Variants in KIR3DL3 observed in about 807,000 individuals in gnomAD.
The protein encoded by KIR3DL3 is killer cell immunoglobulin-like receptor 3DL3.
KIR3DL3 carries 27 observed loss-of-function variants against 34.9 expected under a neutral mutation model. The ratio of observed to expected loss-of-function variants is 0.77; its 90% CI spans 0.57 to 1.07. KIR3DL3 has a LOEUF of 1.07. Ranked by LOEUF, KIR3DL3 falls within the 50% of genes least tolerant of loss-of-function variation. KIR3DL3 has a pLI of 0.00. For missense variants in KIR3DL3, 681 were observed against 528.5 expected (o/e 1.29, Z -2.83); for synonymous variants, 217 against 200.2 (o/e 1.08, Z -0.71).
At position 54,726,053 on chromosome 19, in the gene KIR3DL3, G is replaced by A. The variant is rs2068126206; in HGVS notation, c.71G>A (p.Gly24Asp). The part of the protein sequence containing the change: ...FLLEGPWPHV[G>D]GQDKPFLSAW... ...AAGGTGGTGCCTCCTTCTCCCCCAG[G>A]TGGTCAGGACAAGCCCTTCCTCTCT... Residue 24 changes from glycine (G) to aspartate (D), a missense_variant and splice_region_variant, in exon 3 of 8, where the codon GGT (glycine) becomes GAT (aspartate). Coordinates refer to ENST00000291860, the MANE Select transcript of KIR3DL3 (RefSeq NM_153443.5). 5 of 1,605,278 alleles carry A rather than the reference G, an allele frequency of 3.1e-6. No homozygotes were observed. In the East Asian group the frequency reaches 1.1e-4, roughly 36 times the overall value.
intron 5 of KIR3DL3, among the ~76,000 whole-genome samples, chr19:54,732,824 G>A (rs2068969516): frequency 6.6e-6 from 1 of 152,154 alleles, no homozygotes; most frequent in Admixed American, 6.5e-5. Context: ...AGAGCACACT[G>A]GGTACACAGG....
At chr19:54,734,319 C>G (rs1048310639) in intron 5 of KIR3DL3, among the ~76,000 whole-genome samples, 1 of 151,368 alleles carries the variant, frequency 6.6e-6, no homozygotes, top group African/African-American at 2.4e-5. Flanking sequence ...TCCAGGGAGA[C>G]AGAACACACA....
chr19:54,726,402 G>C (rs1232674189), intron 3 of KIR3DL3, 65 bp downstream of exon 3: 14 of 1,563,976 alleles, frequency 9.0e-6, no homozygotes, highest in Non-Finnish European at 1.2e-5. Flanking sequence ...TTCTGGTGGG[G>C]GCGTCCATCA....
chr19:54,729,141 G>T (rs1172312148), intron 4 of KIR3DL3, among the ~76,000 whole-genome samples: 1 of 147,710 alleles, frequency 6.8e-6, no homozygotes, highest in African/African-American at 2.5e-5. Context: ...ATGATAGATC[G>T]ATCAATAGAT....
rs2075730 is a variant in KIR3DL3 at position 54,726,033 on chromosome 19, G to C, written c.71-20G>C. ...GGCTCCACATCCTCCTCTCTAAGGT[G>C]GTGCCTCCTTCTCCCCCAGGTGGTC... On this transcript the variant is annotated intron_variant, in intron 2 of 7. Transcript: ENST00000291860. 1 of 1,520,754 alleles carries C rather than the reference G, an allele frequency of 6.6e-7. No individual in the cohort carries two copies. 94.2% of individuals were successfully genotyped at this position (1,520,754 alleles called of 1,614,324 possible). A position where few individuals can be genotyped will look rare whatever the true frequency, so the allele number is the denominator to read the frequency against.
rs1212327173 is a variant in KIR3DL3, at chr19:54,724,487, C to T, written c.-10C>T. ...CTGGGGCGCAGCCGCCTGTCTGCACCGGCAGCACCATGTCGCTCATGGTCG... is the reference window on the plus strand; with the variant it reads ...CTGGGGCGCAGCCGCCTGTCTGCACTGGCAGCACCATGTCGCTCATGGTCG... On this transcript the variant is annotated 5_prime_UTR_variant, in exon 1 of 8. Coordinates refer to ENST00000291860, the MANE Select transcript of KIR3DL3 (RefSeq NM_153443.5). The T allele has an allele frequency of 3.5e-5, 56 of 1,613,086 alleles. No individual in the cohort carries two copies. Among genetic ancestry groups the T allele is most frequent in the South Asian group, 5.5e-5 (5 of 91,066 alleles).
At chr19:54,735,939 C>A (rs773177439) in intron 7 of KIR3DL3, 32 bp from the exon 8 acceptor site, 16 of 1,609,448 alleles carry the variant, frequency 9.9e-6, no homozygotes, top group Admixed American at 5.1e-5. Flanking sequence ...AATGTGAGCA[C>A]CCTCCCTCAC....
At chr19:54,733,549 T>TTATAG (rs199755001) in intron 5 of KIR3DL3, among the ~76,000 whole-genome samples, 1 of 151,834 alleles carries the variant, frequency 6.6e-6, no homozygotes, top group African/African-American at 2.4e-5. Flanking sequence ...ACATACATAA[T>TTATAG]TATGACACAC....
chr19:54,727,710 G>A lies in KIR3DL3; in HGVS notation c.455G>A (p.Arg152His), dbSNP rs199609975. 0.04 allele frequency: 63,873 copies of A among 1,612,402 alleles called. 1,455 individuals carry two copies. The highest frequency in any genetic ancestry group is 0.045 in the Non-Finnish European group (52,799 of 1,179,430). ...TGTTGGTCAGATGTCAGGTTTGAGC[G>A]CTTCCTTCTGCACAGAGAGGGGATC... ...LQCWSDVRFE[R>H]FLLHREGITE... Residue 152 changes from arginine to histidine, a missense_variant, in exon 4 of 8, where the codon CGC becomes CAC. Coordinates refer to ENST00000291860, the MANE Select transcript of KIR3DL3 (RefSeq NM_153443.5).
At chr19:54,726,643 C>CA (rs924248124) in intron 3 of KIR3DL3, among the ~76,000 whole-genome samples, 2 of 147,088 alleles carry the variant, frequency 1.4e-5, no homozygotes, top group African/African-American at 5.0e-5. Flanking sequence ...CTGCTGTGCT[C>CA]AGAGTAATCA....
Position 54,727,875 on chromosome 19 carries a change from C to A in KIR3DL3, c.620C>A (p.Ser207Ter), listed in dbSNP as rs759218934. ...GTCACTCACTTACCCTATGAGTTGTCGGCTCCCAGTGACCCTCTGGACATC... is the reference window on the plus strand; with the variant it reads ...GTCACTCACTTACCCTATGAGTTGTAGGCTCCCAGTGACCCTCTGGACATC... ...GSVTHLPYELSAPSDPLDIVV... is the reference protein window; with the variant it reads ...GSVTHLPYEL Residue 207 changes from serine (S) to a stop codon, truncating the protein, a stop_gained, in exon 4 of 8, where the codon TCG becomes TAG. Coordinates refer to ENST00000291860, the MANE Select transcript of KIR3DL3 (RefSeq NM_153443.5). LOFTEE classifies it high-confidence loss of function. 1 of 1,613,302 alleles carries A rather than the reference C, an allele frequency of 6.2e-7. No homozygotes were observed. The highest frequency in any genetic ancestry group is 2.2e-5 in the East Asian group (1 of 44,846).
At chr19:54,725,220 A>C in intron 1 of KIR3DL3, 27 bp from the exon 2 acceptor site, 1 of 1,573,526 alleles carries the variant, frequency 6.4e-7, no homozygotes, top group Non-Finnish European at 8.6e-7. Context: ...GTACAGATGG[A>C]TCATCCATCA....
intron 3 of KIR3DL3, among the ~76,000 whole-genome samples, chr19:54,726,880 G>T (rs2068241022): frequency 1.6e-5 from 2 of 127,528 alleles, no homozygotes; most frequent in Admixed American, 8.8e-5. Context: ...AGAGAACTGG[G>T]TCCGATTTCT....
At chr19:54,725,754 T>A (rs1179319812) in intron 2 of KIR3DL3, among the ~76,000 whole-genome samples, 3 of 152,230 alleles carry the variant, frequency 2.0e-5, no homozygotes, top group Admixed American at 1.3e-4. Context: ...TTTATTATGG[T>A]TCATGCATTA....
chr19:54,732,061 G>A (rs1443094551), intron 5 of KIR3DL3, among the ~76,000 whole-genome samples: 1 of 152,152 alleles, frequency 6.6e-6, no homozygotes, highest in Non-Finnish European at 1.5e-5. Flanking sequence ...TTTTGGGGGT[G>A]GGGCAGCATT....
chr19:54,735,223 G>C, intron 5 of KIR3DL3, 30 bp from the exon 6 acceptor site: 1 of 1,417,830 alleles, frequency 7.1e-7, no homozygotes, highest in Non-Finnish European at 9.9e-7. Flanking sequence ...GCTATGATTA[G>C]CTTCTTATTG....
In KIR3DL3 at chr19:54,726,248, A is replaced by G; in HGVS notation, c.266A>G (p.His89Arg). 6.2e-7 allele frequency: 1 copy of G among 1,613,920 alleles called. No individual in the cohort carries two copies. Among genetic ancestry groups the G allele is most frequent in the Admixed American group, 1.7e-5 (1 of 59,994 alleles). ...SFLMGPVTPA[H>R]AGTYRCCSSH... ...CTCATGGGCCCTGTGACCCCAGCAC[A>G]TGCAGGGACCTACAGATGTTGCAGT... The change falls in exon 3 of 8, where the codon CAT (histidine) becomes CGT (arginine). Residue 89 changes from histidine (H) to arginine (R), a missense_variant. His to Arg is a conservative substitution (Grantham distance 29). Coordinates refer to ENST00000291860, the MANE Select transcript of KIR3DL3 (RefSeq NM_153443.5).
At position 54,725,241 on chromosome 19, in the gene KIR3DL3, T is replaced by C. The variant is rs2068042588; in HGVS notation, c.35-6T>C. On this transcript the variant is annotated splice_polypyrimidine_tract_variant and splice_region_variant and intron_variant, in intron 1 of 7. Transcript: ENST00000291860. Reference sequence around the variant, plus strand: ...ATGGATCATCCATCATGATCTTTCTTTCCAGGGTTCTTCTTGCTGGAGGGG... The same window carrying C: ...ATGGATCATCCATCATGATCTTTCTCTCCAGGGTTCTTCTTGCTGGAGGGG... 6 of 1,593,546 alleles carry C rather than the reference T, an allele frequency of 3.8e-6. No homozygotes were observed. The highest frequency in any genetic ancestry group is 5.1e-6 in the Non-Finnish European group (6 of 1,169,138).
At position 54,736,266 on chromosome 19, in the gene KIR3DL3, G is replaced by C. The variant is rs2069600349; in HGVS notation, c.*170G>C. On this transcript the variant is annotated 3_prime_UTR_variant, in exon 8 of 8. Transcript: ENST00000291860. ...TCTGAAGGCGTGAGTCTGCATCTTAGGGCATCGCTCTTCCTCACACCACGA... is the reference window on the plus strand; with the variant it reads ...TCTGAAGGCGTGAGTCTGCATCTTACGGCATCGCTCTTCCTCACACCACGA... 1 of 870,574 alleles carries C rather than the reference G, an allele frequency of 1.1e-6. No individual in the cohort carries two copies. 53.9% of individuals were successfully genotyped at this position (870,574 alleles called of 1,614,324 possible).
Sources: gnomAD v4.1 joint callset for allele counts (sites outside exome capture counted in the v4.1 genomes callset) on GRCh38, gnomAD v4.1.1 for gene constraint, MANE v1.5 for transcripts, NCBI Gene and HGNC (gene_info 2026-07-23, HGNC 2026-07-21) for gene names.